The following KLF12 variants were observed in gnomAD, a reference collection of about 807,000 sequenced individuals.
KLF12 encodes KLF transcription factor 12, also known as Krueppel-like factor 12.
In KLF12, 9 loss-of-function variants were observed where a neutral mutation model predicts 37.8. That is an observed-to-expected ratio of 0.24 (90% CI 0.14 to 0.42). The LOEUF (loss-of-function observed/expected upper bound fraction) is 0.42. Ranked by LOEUF, KLF12 falls within the 10% of genes least tolerant of loss-of-function variation. The probability of loss-of-function intolerance (pLI) is 1.00; values close to 1 mark genes in which losing one functional copy is unlikely to be tolerated. For synonymous variants in KLF12, 208 were observed against 202.1 expected (o/e 1.03, Z -0.25); for missense variants, 411 against 516.0 (o/e 0.80, Z 1.97).
chr13:74,294,101 G>T, the KLF12 span, among the ~76,000 whole-genome samples: 14,817 of 152,196 alleles, frequency 0.097, 918 homozygotes, highest in South Asian at 0.23. Flanking sequence ...TAGGGCATGA[G>T]ATTTGGCATT....
At position 73,689,677 on chromosome 13, in the gene KLF12, G is replaced by A. The variant is rs977480176; in HGVS notation, c.*5813C>T. On this transcript the variant is annotated 3_prime_UTR_variant, in exon 8 of 8. Transcript: ENST00000377669. ...TTCAACAGACTTTTTGGGGAGAAATGATTCTGTCAATATTCATTCCAAAAT... is the reference window on the plus strand; with the variant it reads ...TTCAACAGACTTTTTGGGGAGAAATAATTCTGTCAATATTCATTCCAAAAT... 2.0e-5 allele frequency: 3 copies of A among 152,094 alleles called. No individual in the cohort carries two copies. The highest frequency in any genetic ancestry group is 4.8e-5 in the African/African-American group (2 of 41,392). The allele number at this position is 152,094 out of a possible 1,614,324, so 9.4% of individuals were successfully genotyped here.
chr13:74,172,015 T>G, the KLF12 span, among the ~76,000 whole-genome samples: 156 of 152,312 alleles, frequency 1.0e-3, no homozygotes, highest in African/African-American at 3.4e-3. Flanking sequence ...ATTCTGACAT[T>G]ACTTCAGTCC....
At chr13:74,069,558 G>A (rs1874106179) in intron 1 of KLF12, among the ~76,000 whole-genome samples, 1 of 152,138 alleles carries the variant, frequency 6.6e-6, no homozygotes, top group South Asian at 2.1e-4. Context: ...AACAAGACCA[G>A]GAGGACAATG....
intron 3 of KLF12, among the ~76,000 whole-genome samples, chr13:73,863,054 G>T (rs561656922): frequency 4.4e-4 from 67 of 152,078 alleles, no homozygotes; most frequent in African/African-American, 1.6e-3. Flanking sequence ...TTTATGTTGG[G>T]TTTAAAATTC....
At chr13:74,292,842 G>T in the KLF12 span, among the ~76,000 whole-genome samples, 1 of 152,176 alleles carries the variant, frequency 6.6e-6, no homozygotes, top group East Asian at 1.9e-4. Flanking sequence ...TTTTTAATTT[G>T]TTTATTATCT....
intron 2 of KLF12, among the ~76,000 whole-genome samples, chr13:73,994,165 G>A (rs1232977314): frequency 1.3e-5 from 2 of 152,174 alleles, no homozygotes; most frequent in African/African-American, 4.8e-5. Flanking sequence ...TGTGAAGGTA[G>A]GCTGGCAGAA....
At chr13:73,958,937 A>G (rs1428821433) in intron 2 of KLF12, among the ~76,000 whole-genome samples, 1 of 151,442 alleles carries the variant, frequency 6.6e-6, no homozygotes, top group Non-Finnish European at 1.5e-5. Flanking sequence ...CTCATCTGCT[A>G]GGCAGACTTC....
intron 1 of KLF12, among the ~76,000 whole-genome samples, chr13:74,068,471 T>C (rs1874041695): frequency 6.6e-6 from 1 of 152,186 alleles, no homozygotes; most frequent in Admixed American, 6.5e-5. Context: ...CATCTAGGGA[T>C]TCATGCTGGA....
At chr13:74,246,315 AG>A in the KLF12 span, among the ~76,000 whole-genome samples, 1 of 152,204 alleles carries the variant, frequency 6.6e-6, no homozygotes, top group Non-Finnish European at 1.5e-5. Context: ...GAGTGTCAGA[AG>A]GTGGGTGGCT....
chr13:73,778,787 C>A (rs1159695106), intron 5 of KLF12, among the ~76,000 whole-genome samples: 1 of 152,084 alleles, frequency 6.6e-6, no homozygotes, highest in Non-Finnish European at 1.5e-5. Flanking sequence ...AGGTCACATA[C>A]CATGGTTGAA....
chr13:73,855,367 C>A (rs963759695), intron 3 of KLF12, among the ~76,000 whole-genome samples: 2 of 152,058 alleles, frequency 1.3e-5, no homozygotes, highest in African/African-American at 4.8e-5. Context: ...CATGTTAGTT[C>A]GCTTAGGATA....
At chr13:74,272,257 A>C in the KLF12 span, among the ~76,000 whole-genome samples, 1 of 152,174 alleles carries the variant, frequency 6.6e-6, no homozygotes, top group East Asian at 1.9e-4. Context: ...GTAAGTATTT[A>C]TATGTATAAA....
chr13:73,861,397 T>A (rs1201212023), intron 3 of KLF12, among the ~76,000 whole-genome samples: 2 of 152,230 alleles, frequency 1.3e-5, no homozygotes, highest in African/African-American at 2.4e-5. Context: ...TGGCTTATCT[T>A]GCTCTGCTCC....
At chr13:74,247,520 T>C in the KLF12 span, among the ~76,000 whole-genome samples, 4 of 152,228 alleles carry the variant, frequency 2.6e-5, no homozygotes, top group Non-Finnish European at 5.9e-5. Flanking sequence ...GATTTTCTTA[T>C]CTCCGACAGG....
At chr13:74,250,880 A>G in the KLF12 span, among the ~76,000 whole-genome samples, 2 of 152,244 alleles carry the variant, frequency 1.3e-5, no homozygotes, top group Non-Finnish European at 2.9e-5. Context: ...AAAACATGCC[A>G]ACATTCAAAG....
chr13:74,041,315 T>C (rs767873116), intron 1 of KLF12, among the ~76,000 whole-genome samples: 12 of 152,186 alleles, frequency 7.9e-5, no homozygotes, highest in African/African-American at 2.4e-5. Context: ...CATGTAGGTA[T>C]TTATTATGGA....
At position 73,711,971 on chromosome 13, in the gene KLF12, C is replaced by T. The variant is rs138405870; in HGVS notation, c.1027+3397G>A. 1.5e-3 allele frequency among the ~76,000 whole-genome samples: 234 copies of T among 152,202 alleles called. 1 individual carries two copies. The highest frequency in any genetic ancestry group is 3.4e-3 in the Middle Eastern group (1 of 294). ...TGGAAGTAGTTCATTCAATCCTCAT[C>T]GATGACTTTGAGGGATTCAGGGCTT... On this transcript the variant is annotated intron_variant, in intron 7 of 7. Coordinates refer to ENST00000377669, the MANE Select transcript of KLF12 (RefSeq NM_007249.5).
the KLF12 span, among the ~76,000 whole-genome samples, chr13:74,298,935 A>AT: frequency 3.3e-5 from 5 of 152,164 alleles, no homozygotes; most frequent in Non-Finnish European, 5.9e-5. Flanking sequence ...TCAGTCTACT[A>AT]TATTTGTCCA....
intron 5 of KLF12, among the ~76,000 whole-genome samples, chr13:73,805,372 C>T (rs984503519): frequency 6.6e-6 from 1 of 151,890 alleles, no homozygotes; most frequent in African/African-American, 2.4e-5. Context: ...ACAATCCCAA[C>T]ATTTTGGGAC....
Sources: allele counts gnomAD v4.1 joint callset (sites outside exome capture counted in the v4.1 genomes callset), GRCh38; gene constraint gnomAD v4.1.1; transcripts MANE v1.5; gene names NCBI Gene and HGNC (gene_info 2026-07-23, HGNC 2026-07-21).